PAPPA2: variants seen among roughly 807,000 people sequenced by gnomAD.
The protein encoded by PAPPA2 is pappalysin 2, also known as pappalysin-2.
In PAPPA2, 86 loss-of-function variants were observed where a neutral mutation model predicts 176.4. The ratio of observed to expected loss-of-function variants is 0.49; its 90% CI spans 0.41 to 0.58. The LOEUF (loss-of-function observed/expected upper bound fraction) is 0.58, where lower values mean the gene tolerates loss of function less well. PAPPA2 is among the 20% of genes least tolerant of loss of function. The pLI, the probability that PAPPA2 is intolerant of heterozygous loss-of-function variation, is 0.00. For missense variants in PAPPA2, 2,073 were observed against 2,256.9 expected, an observed-to-expected ratio of 0.92 and a Z score of 1.65; for synonymous variants, 809 against 852.2, an observed-to-expected ratio of 0.95 and a Z score of 0.88.
chr1:176,481,252 GCACACACACACACACACACACACACA>G (rs56206580), intron 1 of PAPPA2, among the ~76,000 whole-genome samples: 3 of 140,212 alleles, frequency 2.1e-5, no homozygotes, highest in Non-Finnish European at 3.1e-5. Context: ...AGATTTTAAA[GCACACACACACACACACACACACACA>G]CACACACACA....
At chr1:176,599,480 CCT>C (rs1654180522) in intron 3 of PAPPA2, among the ~76,000 whole-genome samples, 1 of 147,262 alleles carries the variant, frequency 6.8e-6, no homozygotes. Context: ...TCTTTTCTCT[CCT>C]ACGTTCTCTT....
rs369504794 is a variant in PAPPA2 at position 176,787,782 on chromosome 1, C to T, written c.4716-2027C>T. Among the ~76,000 whole-genome samples, 37 of 152,102 alleles carry T rather than the reference C, an allele frequency of 2.4e-4. No homozygotes were observed. In the Middle Eastern group the frequency reaches 0.01, roughly 42 times the overall value. On this transcript the variant is annotated intron_variant, in intron 17 of 22. Coordinates refer to ENST00000367662, the MANE Select transcript of PAPPA2 (RefSeq NM_020318.3). ...GGATTAAAGAGATGATTTCATAGGC[C>T]GGGCACATTGGCTCACGCCTCTAAT...
intron 3 of PAPPA2, among the ~76,000 whole-genome samples, chr1:176,603,488 A>C (rs1654440056): frequency 6.6e-6 from 1 of 152,172 alleles, no homozygotes; most frequent in Non-Finnish European, 1.5e-5. Context: ...GTTCCATCAG[A>C]GCACCAGCCT....
intron 1 of PAPPA2, among the ~76,000 whole-genome samples, chr1:176,503,315 C>G (rs956124261): frequency 6.6e-6 from 1 of 152,176 alleles, no homozygotes. Flanking sequence ...CCTTTGATTA[C>G]AGTGAACTCA....
At chr1:176,605,460 ATCT>A (rs2102668812) in intron 3 of PAPPA2, among the ~76,000 whole-genome samples, 1 of 152,304 alleles carries the variant, frequency 6.6e-6, no homozygotes, top group East Asian at 1.9e-4. Flanking sequence ...ATTTCTCTAA[ATCT>A]TAGTTCATTC....
intron 3 of PAPPA2, among the ~76,000 whole-genome samples, chr1:176,655,245 T>C (rs1657966966): frequency 6.6e-6 from 1 of 151,882 alleles, no homozygotes; most frequent in Non-Finnish European, 1.5e-5. Context: ...ATGTGTTCCG[T>C]CTATGCCTAG....
chr1:176,731,355 A>G (rs1052922036), intron 12 of PAPPA2, among the ~76,000 whole-genome samples: 4 of 152,038 alleles, frequency 2.6e-5, no homozygotes, highest in Non-Finnish European at 4.4e-5. Context: ...GTTGGAGTGC[A>G]GTGGTGTAAT....
intron 21 of PAPPA2, among the ~76,000 whole-genome samples, chr1:176,806,361 C>G (rs1665909089): frequency 6.6e-6 from 1 of 152,204 alleles, no homozygotes; most frequent in Admixed American, 6.5e-5. Flanking sequence ...ACACCTGCTT[C>G]TATTCCCCTA....
intron 4 of PAPPA2, among the ~76,000 whole-genome samples, chr1:176,677,260 G>A (rs1364005683): frequency 6.6e-6 from 1 of 152,126 alleles, no homozygotes; most frequent in African/African-American, 2.4e-5. Flanking sequence ...TTATCTGTTT[G>A]TGTCAGCATG....
chr1:176,657,017 A>G (rs1573204519), intron 3 of PAPPA2, among the ~76,000 whole-genome samples: 1 of 152,030 alleles, frequency 6.6e-6, no homozygotes, highest in African/African-American at 2.4e-5. Flanking sequence ...CTGAACACTC[A>G]AGGCACAATA....
intron 3 of PAPPA2, among the ~76,000 whole-genome samples, chr1:176,615,210 T>G (rs2102683160): frequency 6.6e-6 from 1 of 152,360 alleles, no homozygotes; most frequent in African/African-American, 2.4e-5. Flanking sequence ...CCTGTTAAGC[T>G]GCACCTCAGA....
At chr1:176,618,473 C>T (rs944235160) in intron 3 of PAPPA2, among the ~76,000 whole-genome samples, 1 of 152,178 alleles carries the variant, frequency 6.6e-6, no homozygotes, top group African/African-American at 2.4e-5. Flanking sequence ...AGATGCTAGT[C>T]TTGTTTGCTC....
chr1:176,496,748 G>A (rs1388377165), intron 1 of PAPPA2, among the ~76,000 whole-genome samples: 1 of 152,176 alleles, frequency 6.6e-6, no homozygotes, highest in East Asian at 1.9e-4. Context: ...TGGGGAAGTC[G>A]AGAAAGGGAG....
intron 1 of PAPPA2, among the ~76,000 whole-genome samples, chr1:176,510,924 A>G (rs1648566516): frequency 6.6e-6 from 1 of 151,984 alleles, no homozygotes; most frequent in Non-Finnish European, 1.5e-5. Flanking sequence ...CATTTAATTT[A>G]ATCCAAAGAA....
At chr1:176,724,774 CA>C (rs1334904290) in intron 12 of PAPPA2, among the ~76,000 whole-genome samples, 1 of 152,154 alleles carries the variant, frequency 6.6e-6, no homozygotes, top group Non-Finnish European at 1.5e-5. Flanking sequence ...TCCCTAACAC[CA>C]GGCGTCAAAG....
Position 176,595,502 on chromosome 1 carries a change from A to G in PAPPA2, c.1898A>G (p.Asn633Ser), listed in dbSNP as rs1653928618. ...GATGGGCTCTGTCACGTGGAGTGTA[A>G]CAACATGCTGAACGACTTTGACGAC... ...RRDGLCHVEC[N>S]NMLNDFDDGD... Residue 633 changes from asparagine to serine, a missense_variant, in exon 3 of 23, where the codon AAC (asparagine) becomes AGC (serine). Coordinates refer to ENST00000367662, the MANE Select transcript of PAPPA2 (RefSeq NM_020318.3). 6.2e-7 allele frequency: 1 copy of G among 1,614,190 alleles called. No homozygotes were observed. The highest frequency in any genetic ancestry group is 8.5e-7 in the Non-Finnish European group (1 of 1,180,022).
In PAPPA2 at chr1:176,674,223, A is replaced by G. The variant is rs549143686; in HGVS notation, c.2137+3108A>G. On this transcript the variant is annotated intron_variant, in intron 4 of 22. Coordinates refer to ENST00000367662, the MANE Select transcript of PAPPA2 (RefSeq NM_020318.3). ...CTGTGCAAGGGTAAACAGAAGTAGT[A>G]CAGCTTATACAAAGCCTAAAATCCA... Among the ~76,000 whole-genome samples, 4 of 152,224 alleles carry G rather than the reference A, an allele frequency of 2.6e-5. No homozygotes were observed. The South Asian group carries it at 6.2e-4, about 24-fold the overall frequency.
In PAPPA2 at chr1:176,765,683, G is replaced by A; in HGVS notation, c.4169G>A (p.Cys1390Tyr). The A allele has an allele frequency of 2.5e-6, 4 of 1,614,062 alleles. No homozygotes were observed. Among genetic ancestry groups the A allele is most frequent in the Non-Finnish European group, 3.4e-6 (4 of 1,179,994 alleles). ...HQGQSCIHRP[C>Y]GKQDSCPSLL... ...TATCCCAGCTGTATCCATCGGCCCT[G>A]TGGGAAGCAGGACAGCTGTCCGTCA... Residue 1390 changes from cysteine to tyrosine, a missense_variant, in exon 15 of 23, where the codon TGT becomes TAT. By Grantham distance (194) the Cys-to-Tyr change is radical. Coordinates refer to ENST00000367662, the MANE Select transcript of PAPPA2 (RefSeq NM_020318.3).
At chr1:176,504,987 C>T (rs1255840603) in intron 1 of PAPPA2, among the ~76,000 whole-genome samples, 1 of 152,076 alleles carries the variant, frequency 6.6e-6, no homozygotes, top group African/African-American at 2.4e-5. Context: ...TTACTTATAA[C>T]CACAGAATGA....
Sources: allele counts gnomAD v4.1 joint callset (sites outside exome capture counted in the v4.1 genomes callset), GRCh38; gene constraint gnomAD v4.1.1; transcripts MANE v1.5; gene names NCBI Gene and HGNC (gene_info 2026-07-23, HGNC 2026-07-21).